The following CCDC159 variants were observed in gnomAD, a reference collection of about 807,000 sequenced individuals.
The protein encoded by CCDC159 is coiled-coil domain containing 159.
A neutral mutation model predicts 50.9 loss-of-function variants in CCDC159; 40 were observed. That is an observed-to-expected ratio of 0.79 (90% CI 0.61 to 1.02). The LOEUF is 1.02. Among genes scored for constraint, CCDC159 ranks in the 50% least tolerant of loss-of-function variants. CCDC159 has a pLI of 0.00. For missense variants in CCDC159, 356 were observed against 371.5 expected, an observed-to-expected ratio of 0.96 and a Z score of 0.34; for synonymous variants, 146 against 138.9, an observed-to-expected ratio of 1.05 and a Z score of -0.36.
intron 1 of CCDC159, chr19:11,348,751 G>A (rs754570995): frequency 5.1e-5 from 26 of 508,736 alleles, no homozygotes; most frequent in South Asian, 8.6e-5. Flanking sequence ...TACTCACAGC[G>A]ACCCTCTTTT....
chr19:11,353,264 C>A, intron 7 of CCDC159, 187 bp from the exon 8 acceptor site: 1 of 457,254 alleles, frequency 2.2e-6, no homozygotes, highest in Non-Finnish European at 3.6e-6. Flanking sequence ...CCACGCCCGG[C>A]TAACTTTTTG....
At chr19:11,349,091 T>G in intron 1 of CCDC159, 1 of 1,347,780 alleles carries the variant, frequency 7.4e-7, no homozygotes, top group Non-Finnish European at 9.8e-7. Flanking sequence ...AGGGTGGGGC[T>G]CAGGGCCTTC....
intron 6 of CCDC159, 38 bp downstream of exon 6, chr19:11,352,011 G>A (rs1478360130): frequency 6.2e-7 from 1 of 1,612,846 alleles, no homozygotes; most frequent in Admixed American, 1.7e-5. Context: ...TGTGGGGAGG[G>A]GGTCCTTCTT....
At chr19:11,350,594 G>T (rs1203618258) in intron 4 of CCDC159, among the ~76,000 whole-genome samples, 1 of 152,172 alleles carries the variant, frequency 6.6e-6, no homozygotes, top group African/African-American at 2.4e-5. Context: ...AGGTTGCAGT[G>T]AGCCGAGATC....
At chr19:11,348,647 C>A (rs1967399185) in intron 1 of CCDC159, 9 of 439,716 alleles carry the variant, frequency 2.0e-5, no homozygotes, top group South Asian at 1.4e-4. Context: ...ACTGAGAAGC[C>A]TTGAGTTTAG....
Position 11,346,582 on chromosome 19 carries a change from C to T in CCDC159, c.-25C>T, listed in dbSNP as rs925280377. 1.9e-6 allele frequency: 3 copies of T among 1,551,436 alleles called. No individual in the cohort carries two copies. The highest frequency in any genetic ancestry group is 8.7e-7 in the Non-Finnish European group (1 of 1,146,902). ...GCGGGATCAAACTTCAGCGTCACAG[C>T]TGAGGACTGGCTTCGTGGTCCCTGA... On this transcript the variant is annotated 5_prime_UTR_variant, in exon 1 of 11. Transcript: ENST00000458408.
chr19:11,352,656 G>T (rs1334797065), intron 7 of CCDC159, among the ~76,000 whole-genome samples: 1 of 151,334 alleles, frequency 6.6e-6, no homozygotes, highest in Non-Finnish European at 1.5e-5. Context: ...CATCCTGTTG[G>T]GTGCTGTGGC....
chr19:11,353,751 G>A (rs982276637), intron 8 of CCDC159, 41 bp from the exon 9 acceptor site: 4 of 1,560,182 alleles, frequency 2.6e-6, no homozygotes, highest in African/African-American at 2.7e-5. Context: ...CCTGAGCAGT[G>A]TGGAGTCTCC....
At chr19:11,349,204 C>A (rs760147493) in intron 1 of CCDC159, 20 of 1,323,560 alleles carry the variant, frequency 1.5e-5, no homozygotes, top group Non-Finnish European at 1.9e-5. Context: ...AGGTCACCCC[C>A]ACCCGGGAAA....
chr19:11,354,019 G>T, intron 9 of CCDC159, 145 bp downstream of exon 9: 1 of 655,182 alleles, frequency 1.5e-6, no homozygotes, highest in South Asian at 2.1e-5. Context: ...GTCACATTAA[G>T]GAGTCACTGG....
intron 7 of CCDC159, among the ~76,000 whole-genome samples, chr19:11,352,872 G>A (rs1489083087): frequency 4.0e-5 from 6 of 151,694 alleles, no homozygotes; most frequent in East Asian, 1.9e-4. Context: ...TTCAGGGTGC[G>A]TTGAGCCCTG....
intron 1 of CCDC159, chr19:11,348,711 G>T: frequency 2.1e-6 from 1 of 466,802 alleles, no homozygotes; most frequent in East Asian, 6.6e-5. Flanking sequence ...GGGGACATGG[G>T]GACTTATCTC....
chr19:11,352,109 G>A lies in CCDC159; in HGVS notation c.543G>A (p.Gln181=). The change falls in exon 7 of 11, where the codon CAG becomes CAA. Residue 181 remains glutamine (Q), a synonymous_variant. Transcript: ENST00000458408. ...SENLVNIQKM[Q]KTQVKCRKIL... The stretch of plus-strand genomic sequence containing the variant: ...ACTTGGTGAACATTCAGAAAATGCA[G>A]AAAACGCAGGTGAAATGCCGCAAAG... 6.2e-7 allele frequency: 1 copy of A among 1,613,758 alleles called. No homozygotes were observed. The highest frequency in any genetic ancestry group is 8.5e-7 in the Non-Finnish European group (1 of 1,179,844).
rs2144608591 is a variant in CCDC159 at position 11,346,610 on chromosome 19, G to A, written c.4G>A (p.Gly2Arg). 3.2e-6 allele frequency: 5 copies of A among 1,551,516 alleles called. No individual in the cohort carries two copies. The highest frequency in any genetic ancestry group is 3.5e-6 in the Non-Finnish European group (4 of 1,146,924). ...AGGACTGGCTTCGTGGTCCCTGATG[G>A]GAGAGCATGAACAGGTGGTATGTGG... is the stretch of plus-strand genomic sequence containing the variant. M[G>R]EHEQVKPLET... is the part of the protein sequence containing the mutation. The change falls in exon 1 of 11, where the codon GGA (glycine) becomes AGA (arginine). Residue 2 changes from glycine (G) to arginine (R), a missense_variant. Coordinates refer to ENST00000458408, the MANE Select transcript of CCDC159 (RefSeq NM_001080503.3).
intron 7 of CCDC159, 45 bp from the exon 8 acceptor site, chr19:11,353,406 T>G: frequency 6.5e-7 from 1 of 1,531,246 alleles, no homozygotes; most frequent in Non-Finnish European, 8.8e-7. Context: ...GGCACTATTG[T>G]CATTATTATT....
chr19:11,347,771 G>T (rs915483103), intron 1 of CCDC159, among the ~76,000 whole-genome samples: 1 of 152,230 alleles, frequency 6.6e-6, no homozygotes, highest in East Asian at 1.9e-4. Context: ...CTTTCACCTA[G>T]AAGTTTCTCC....
At chr19:11,351,136 G>A (rs748860924) in intron 5 of CCDC159, 133 bp downstream of exon 5, 37 of 958,876 alleles carry the variant, frequency 3.9e-5, no homozygotes, top group Non-Finnish European at 4.6e-5. Flanking sequence ...AAAGCCTGAG[G>A]GACAAGAAGA....
intron 5 of CCDC159, 57 bp from the exon 6 acceptor site, chr19:11,351,849 C>G: frequency 6.7e-7 from 1 of 1,482,750 alleles, no homozygotes; most frequent in Non-Finnish European, 9.2e-7. Context: ...CAGATAGGGG[C>G]ATGGGAGGTC....
At position 11,354,601 on chromosome 19, in the gene CCDC159, T is replaced by G; in HGVS notation, c.794T>G (p.Leu265Arg). Residue 265 changes from leucine (L) to arginine (R), a missense_variant, in exon 10 of 11, where the codon CTG becomes CGG. By Grantham distance (102) the Leu-to-Arg change is moderately radical. Transcript: ENST00000458408. ...SLRGHKGHQC[L>R]SPPLPSWDSD... is the part of the protein sequence containing the mutation. ...GCAGGCCACAAGGGGCACCAGTGCC[T>G]GAGCCCTCCACTCCCCTCCTGGGAC... 1 of 1,578,302 alleles carries G rather than the reference T, an allele frequency of 6.3e-7. No individual in the cohort carries two copies. Among genetic ancestry groups the G allele is most frequent in the Non-Finnish European group, 8.7e-7 (1 of 1,155,916 alleles).
Sources: allele counts gnomAD v4.1 joint callset (sites outside exome capture counted in the v4.1 genomes callset), GRCh38; gene constraint gnomAD v4.1.1; transcripts MANE v1.5; gene names NCBI Gene and HGNC (gene_info 2026-07-23, HGNC 2026-07-21).